KAZN: variants seen among roughly 807,000 people sequenced by gnomAD.
KAZN encodes kazrin.
Under a neutral mutation model 87.4 loss-of-function variants are expected in KAZN, and 40 were observed. The observed-to-expected ratio is 0.46, with a 90% CI of 0.36 to 0.60. The LOEUF is 0.60. KAZN is among the 20% of genes least tolerant of loss of function. The probability of loss-of-function intolerance (pLI) is 0.00; values close to 1 mark genes in which losing one functional copy is unlikely to be tolerated. For missense variants in KAZN, 898 were observed against 1,073.9 expected (o/e 0.84, Z 2.29); for synonymous variants, 466 against 458.3 (o/e 1.02, Z -0.22).
At chr1:14,038,448 C>T (rs1169541497) in intron 1 of KAZN, among the ~76,000 whole-genome samples, 1 of 152,158 alleles carries the variant, frequency 6.6e-6, no homozygotes, top group African/African-American at 2.4e-5. Flanking sequence ...TAAAGGACAG[C>T]ACCTGGGACA....
At chr1:14,277,357 C>A (rs1379596449) in intron 2 of KAZN, among the ~76,000 whole-genome samples, 4 of 152,084 alleles carry the variant, frequency 2.6e-5, no homozygotes, top group Non-Finnish European at 4.4e-5. Flanking sequence ...TATTTTTAAA[C>A]CTATACGAGT....
intron 2 of KAZN, among the ~76,000 whole-genome samples, chr1:14,516,406 A>G (rs1413613235): frequency 6.6e-6 from 1 of 152,204 alleles, no homozygotes; most frequent in Non-Finnish European, 1.5e-5. Context: ...ATGTAGAGAG[A>G]GGAACAAGAC....
chr1:14,184,563 C>A lies in KAZN; in HGVS notation c.249+3971C>A, dbSNP rs1646264667. On this transcript the variant is annotated intron_variant, in intron 2 of 16. Coordinates refer to the KAZN transcript ENST00000636203. The surrounding 1 kb of genome is among the most constrained non-coding windows in gnomAD (Gnocchi z 4.2). ...GGCATTTAGGAGGCAGATCGGGAGC[C>A]CTGCCAGGATCAGACACTGCATAGG... 1.3e-5 allele frequency among the ~76,000 whole-genome samples: 2 copies of A among 152,120 alleles called. No homozygotes were observed. Among genetic ancestry groups the A allele is most frequent in the Admixed American group, 1.3e-4 (2 of 15,272 alleles).
chr1:14,889,922 C>A (rs946731005), intron 1 of KAZN, among the ~76,000 whole-genome samples: 9 of 152,238 alleles, frequency 5.9e-5, no homozygotes, highest in Non-Finnish European at 1.2e-4. Context: ...TGGCAACTAG[C>A]AGACTGTGTC....
chr1:14,356,908 G>T (rs1435023556), intron 2 of KAZN, among the ~76,000 whole-genome samples: 1 of 152,098 alleles, frequency 6.6e-6, no homozygotes, highest in African/African-American at 2.4e-5. Context: ...TGACTATACG[G>T]GCTCTTTTTT....
intron 2 of KAZN, among the ~76,000 whole-genome samples, chr1:14,267,359 C>CAAAAAAAA (rs61641430): frequency 2.0e-4 from 13 of 64,638 alleles, no homozygotes; most frequent in Admixed American, 3.2e-4. Context: ...AGCCGATAAG[C>CAAAAAAAA]AAAAAAAAAA....
intron 2 of KAZN, among the ~76,000 whole-genome samples, chr1:15,015,132 T>TTTTATTTATTTA (rs149046122): frequency 5.9e-4 from 88 of 149,418 alleles, no homozygotes; most frequent in African/African-American, 2.1e-3. Context: ...AGTTTTTTCT[T>TTTTATTTATTTA]TTTATTTATT....
rs56000715 is a variant in KAZN at position 14,833,969 on chromosome 1, T to TCACACACA, written c.227-126682_227-126675dup. Among the ~76,000 whole-genome samples the TCACACACA allele has an allele frequency of 1.8e-4, 26 of 141,956 alleles. 1 individual carries two copies. The highest frequency in any genetic ancestry group is 4.2e-4 in the East Asian group (2 of 4,746). 93.1% of individuals were successfully genotyped at this position (141,956 alleles called of 152,430 possible). A position where few individuals can be genotyped will look rare whatever the true frequency, so the allele number is the denominator to read the frequency against. On this transcript the variant is annotated intron_variant, in intron 1 of 14. Coordinates refer to ENST00000376030, the MANE Select transcript of KAZN (RefSeq NM_201628.3). ...GGACTCTGCTGTCCTCCCAAGTCAT[T>TCACACACA]CACACACACACACACACACACACAC...
intron 1 of KAZN, among the ~76,000 whole-genome samples, chr1:14,764,147 G>C (rs766130988): frequency 3.9e-5 from 6 of 152,086 alleles, no homozygotes; most frequent in Admixed American, 3.9e-4. Flanking sequence ...TGGTAGGTGG[G>C]CCTCCTGGGA....
chr1:14,931,907 A>G (rs10927582), intron 1 of KAZN, among the ~76,000 whole-genome samples: 55,089 of 151,740 alleles, frequency 0.36, 11,952 homozygotes, highest in African/African-American at 0.6. Context: ...TTTCCTCTTT[A>G]TGCCAACCCC....
rs1245876386 is a variant in KAZN, at chr1:14,327,087, G to A, written c.249+146495G>A. On this transcript the variant is annotated intron_variant, in intron 2 of 16. Transcript: ENST00000636203. ...CAGTTAGCACTTTGTAAACACTTATGCAACGACTGGAGGAATGTGTCGGCT... is the reference window on the plus strand; with the variant it reads ...CAGTTAGCACTTTGTAAACACTTATACAACGACTGGAGGAATGTGTCGGCT... 2.6e-5 allele frequency among the ~76,000 whole-genome samples: 4 copies of A among 152,274 alleles called. No individual in the cohort carries two copies. In the East Asian group the frequency reaches 7.7e-4, roughly 29 times the overall value.
At chr1:14,701,925 C>A (rs986312094) in intron 1 of KAZN, among the ~76,000 whole-genome samples, 2 of 152,202 alleles carry the variant, frequency 1.3e-5, no homozygotes, top group East Asian at 1.9e-4. Flanking sequence ...CCCCACCTAG[C>A]CTCTGGTCTC....
At chr1:14,297,695 A>G (rs1286664305) in intron 2 of KAZN, among the ~76,000 whole-genome samples, 2 of 152,110 alleles carry the variant, frequency 1.3e-5, no homozygotes, top group East Asian at 3.9e-4. Context: ...CTACAACCCC[A>G]TCTCCTCTTT....
At chr1:14,631,293 A>G (rs1449491964) in intron 1 of KAZN, among the ~76,000 whole-genome samples, 3 of 152,210 alleles carry the variant, frequency 2.0e-5, no homozygotes, top group Non-Finnish European at 4.4e-5. Context: ...ATGAGCCAGG[A>G]AACAGTGAAG....
chr1:14,787,490 T>C (rs1645542923), intron 1 of KAZN, among the ~76,000 whole-genome samples: 1 of 152,236 alleles, frequency 6.6e-6, no homozygotes, highest in South Asian at 2.1e-4. Flanking sequence ...AAAATGACCA[T>C]GGTACTACTA....
chr1:14,747,871 T>A (rs1490737598), intron 1 of KAZN, among the ~76,000 whole-genome samples: 5 of 152,328 alleles, frequency 3.3e-5, no homozygotes, highest in Middle Eastern at 3.4e-3. Flanking sequence ...CCAACACCGG[T>A]TGCCACCCTA....
chr1:14,369,584 C>G (rs1660304915), intron 2 of KAZN, among the ~76,000 whole-genome samples: 1 of 152,184 alleles, frequency 6.6e-6, no homozygotes, highest in Non-Finnish European at 1.5e-5. Flanking sequence ...ACCTTGTCTC[C>G]TGCAAGGCCA....
At chr1:14,434,316 G>A (rs1666255758) in intron 2 of KAZN, among the ~76,000 whole-genome samples, 1 of 152,130 alleles carries the variant, frequency 6.6e-6, no homozygotes, top group Non-Finnish European at 1.5e-5. Context: ...TACCGGTTCA[G>A]AATTCAAGTC....
intron 1 of KAZN, among the ~76,000 whole-genome samples, chr1:14,145,704 C>T (rs911227863): frequency 9.2e-5 from 14 of 152,192 alleles, no homozygotes; most frequent in Admixed American, 5.2e-4. Flanking sequence ...CCTCATCCTC[C>T]CAAGTAGCTG....
Sources: gnomAD v4.1 joint callset for allele counts (sites outside exome capture counted in the v4.1 genomes callset) on GRCh38, gnomAD v4.1.1 for gene constraint, Gnocchi (gnomAD v3.1) non-coding constraint, MANE v1.5 for transcripts, NCBI Gene and HGNC (gene_info 2026-07-23, HGNC 2026-07-21) for gene names.